Variants in CD58 observed in about 807,000 individuals in gnomAD.
CD58 encodes the protein lymphocyte function-associated antigen 3.
In CD58, 14 loss-of-function variants were observed where a neutral mutation model predicts 27.6. The ratio of observed to expected loss-of-function variants is 0.51; its 90% CI spans 0.34 to 0.79. CD58 has a LOEUF of 0.79. Among genes scored for constraint, CD58 ranks in the 30% least tolerant of loss-of-function variants. The pLI is 0.02. For missense variants in CD58, 268 were observed against 301.7 expected (o/e 0.89, Z 0.83); for synonymous variants, 117 against 103.8 (o/e 1.13, Z -0.77).
chr1:116,530,407 G>C (rs181624621), intron 3 of CD58, among the ~76,000 whole-genome samples: 1 of 151,954 alleles, frequency 6.6e-6, no homozygotes, highest in Non-Finnish European at 1.5e-5. Context: ...GGGTTTCACC[G>C]TGTTAGCCAG....
intron 1 of CD58, among the ~76,000 whole-genome samples, chr1:116,564,767 C>T (rs371663277): frequency 1.3e-4 from 20 of 152,160 alleles, no homozygotes; most frequent in Admixed American, 2.6e-4. Flanking sequence ...TACAATTCAA[C>T]GTAAGATTTG....
At position 116,531,018 on chromosome 1, in the gene CD58, A is replaced by G. The variant is rs905700221; in HGVS notation, c.628+4947T>C. On this transcript the variant is annotated intron_variant, in intron 3 of 5. Transcript: ENST00000369489. The surrounding 1 kb of genome is among the most constrained non-coding windows in gnomAD (Gnocchi z 4.5). ...TCTGTTGTATATATGTGAACTATCA[A>G]TTTGGAAGAAAATGTAAAAGAAGGA... Among the ~76,000 whole-genome samples the G allele has an allele frequency of 2.6e-5, 4 of 152,220 alleles. No individual in the cohort carries two copies. The highest frequency in any genetic ancestry group is 9.6e-5 in the African/African-American group (4 of 41,452).
Position 116,521,931 on chromosome 1 carries a change from T to C in CD58, c.681A>G (p.Thr227=), listed in dbSNP as rs1322347445. Reference sequence around the variant, plus strand: ...CATTCATATACAGCACAATACATGTTGTAATTACTGCTAATGGTATGGGTA... The same window carrying C: ...CATTCATATACAGCACAATACATGTCGTAATTACTGCTAATGGTATGGGTA... ...ALIPIPLAVI[T]TCIVLYMNGI... The change falls in exon 4 of 6, where the codon ACA becomes ACG. Residue 227 remains threonine (T), a synonymous_variant. Coordinates refer to ENST00000369489, the MANE Select transcript of CD58 (RefSeq NM_001779.3). The surrounding 1 kb of genome is among the most constrained non-coding windows in gnomAD (Gnocchi z 5.6). The C allele has an allele frequency of 1.9e-6, 3 of 1,572,972 alleles. No individual in the cohort carries two copies. The highest frequency in any genetic ancestry group is 2.6e-6 in the Non-Finnish European group (3 of 1,145,012).
At chr1:116,545,441 G>A (rs1326374582) in intron 1 of CD58, among the ~76,000 whole-genome samples, 1 of 152,166 alleles carries the variant, frequency 6.6e-6, no homozygotes, top group Non-Finnish European at 1.5e-5. Flanking sequence ...ACAGACCAGA[G>A]CAGGGTGTTT....
Position 116,519,588 on chromosome 1 carries a change from A to T in CD58, c.707-321T>A, listed in dbSNP as rs1657202696. ...GACCAGTGCTGTCCAATAGAAATAT[A>T]ATGCAAGCCACATAAGTAATTTAAA... On this transcript the variant is annotated intron_variant, in intron 4 of 5. Coordinates refer to ENST00000369489, the MANE Select transcript of CD58 (RefSeq NM_001779.3). The surrounding 1 kb of genome is among the most constrained non-coding windows in gnomAD (Gnocchi z 4.7). Among the ~76,000 whole-genome samples the T allele has an allele frequency of 6.6e-6, 1 of 152,224 alleles. No individual in the cohort carries two copies. Among genetic ancestry groups the T allele is most frequent in the Non-Finnish European group, 1.5e-5 (1 of 68,040 alleles).
rs1452335722 is a variant in CD58 at position 116,518,837 on chromosome 1, G to A, written c.743+394C>T. 7 of 1,029,894 alleles carry A rather than the reference G, an allele frequency of 6.8e-6. No individual in the cohort carries two copies. The East Asian group carries it at 3.6e-4, about 52-fold the overall frequency. The allele number at this position is 1,029,894 out of a possible 1,614,324, so 63.8% of individuals were successfully genotyped here. A position where few individuals can be genotyped will look rare whatever the true frequency, so the allele number is the denominator to read the frequency against. On this transcript the variant is annotated intron_variant, in intron 5 of 5. Coordinates refer to ENST00000369489, the MANE Select transcript of CD58 (RefSeq NM_001779.3). The stretch of plus-strand genomic sequence containing the variant: ...TCCAACTTTTTCTGGGATGGGAGGT[G>A]GAGGGAGTGTATTGTAGTGGTTAAC...
rs12135348 is a variant in CD58 at position 116,550,041 on chromosome 1, A to G, written c.71-5437T>C. ...ATACTTTATTGCTGAAAAAAAAAAC[A>G]TGCTAACAATCATTTGAGCCTTCAG... On this transcript the variant is annotated intron_variant, in intron 1 of 5. Coordinates refer to ENST00000369489, the MANE Select transcript of CD58 (RefSeq NM_001779.3). The surrounding 1 kb of genome is among the most constrained non-coding windows in gnomAD (Gnocchi z 4.2). 1.6e-4 allele frequency among the ~76,000 whole-genome samples: 25 copies of G among 152,294 alleles called. No homozygotes were observed. Among genetic ancestry groups the G allele is most frequent in the Non-Finnish European group, 3.7e-4 (25 of 68,022 alleles).
At chr1:116,545,017 G>A (rs773189750) in intron 1 of CD58, among the ~76,000 whole-genome samples, 4 of 152,228 alleles carry the variant, frequency 2.6e-5, no homozygotes, top group Admixed American at 6.5e-5. Context: ...CAGTTAGGCC[G>A]CAGGGCTGGG....
intron 4 of CD58, among the ~76,000 whole-genome samples, chr1:116,520,466 A>G: frequency 6.6e-6 from 1 of 151,512 alleles, no homozygotes; most frequent in African/African-American, 2.4e-5. Flanking sequence ...TCTGGGGCTA[A>G]CAGTACTGAC....
intron 2 of CD58, among the ~76,000 whole-genome samples, chr1:116,539,460 T>C (rs1571071796): frequency 6.6e-6 from 1 of 152,004 alleles, no homozygotes; most frequent in Admixed American, 6.6e-5. Context: ...ATCAGGTCAC[T>C]GTAAAGGTCA....
At chr1:116,569,321 TGA>T (rs940311661) in intron 1 of CD58, among the ~76,000 whole-genome samples, 1 of 152,232 alleles carries the variant, frequency 6.6e-6, no homozygotes, top group Non-Finnish European at 1.5e-5. Flanking sequence ...CAATTCCTCC[TGA>T]CTGCAGCCTT....
intron 2 of CD58, among the ~76,000 whole-genome samples, chr1:116,542,987 G>A (rs539358369): frequency 1.3e-5 from 2 of 152,354 alleles, no homozygotes; most frequent in African/African-American, 4.8e-5. Flanking sequence ...GAGTGGGTAA[G>A]TGAACAGGCT....
intron 2 of CD58, 83 bp downstream of exon 2, chr1:116,544,228 C>A: frequency 1.1e-6 from 1 of 905,574 alleles, no homozygotes; most frequent in Non-Finnish European, 1.7e-6. Flanking sequence ...TCTCATAGAC[C>A]ATTAATTTGT....
intron 1 of CD58, among the ~76,000 whole-genome samples, chr1:116,547,920 T>C (rs920583419): frequency 1.3e-5 from 2 of 152,212 alleles, no homozygotes; most frequent in Non-Finnish European, 2.9e-5. Context: ...CCACCAGCAG[T>C]GTACAGGTGT....
rs1658368506 is a variant in CD58 at position 116,550,984 on chromosome 1, T to G, written c.71-6380A>C. On this transcript the variant is annotated intron_variant, in intron 1 of 5. Coordinates refer to ENST00000369489, the MANE Select transcript of CD58 (RefSeq NM_001779.3). This position sits in a 1 kb window ranked among gnomAD's most constrained non-coding sequence, Gnocchi z 4.2. ...TCTTTTTTTTCTAAGCAGTAAGTATTAACAGTGGGCTTACAATATTCAGTA... is the reference window on the plus strand; with the variant it reads ...TCTTTTTTTTCTAAGCAGTAAGTATGAACAGTGGGCTTACAATATTCAGTA... Among the ~76,000 whole-genome samples, 1 of 152,182 alleles carries G rather than the reference T, an allele frequency of 6.6e-6. No individual in the cohort carries two copies. The highest frequency in any genetic ancestry group is 2.4e-5 in the African/African-American group (1 of 41,446).
At chr1:116,539,538 A>G (rs1201284797) in intron 2 of CD58, among the ~76,000 whole-genome samples, 2 of 152,190 alleles carry the variant, frequency 1.3e-5, no homozygotes, top group African/African-American at 4.8e-5. Context: ...GAAAAGAAAA[A>G]AAACAGAATA....
At chr1:116,567,085 A>T (rs551932640) in intron 1 of CD58, among the ~76,000 whole-genome samples, 2 of 151,106 alleles carry the variant, frequency 1.3e-5, no homozygotes, top group East Asian at 3.9e-4. Context: ...GGCTGCAGTG[A>T]GCCATAATTG....
chr1:116,556,934 CA>C (rs34912391), intron 1 of CD58, among the ~76,000 whole-genome samples: 2 of 151,828 alleles, frequency 1.3e-5, no homozygotes, highest in Admixed American at 1.3e-4. Context: ...CCCAATTTTT[CA>C]AAAAAAGCCA....
rs1657488334 is a variant in CD58, at chr1:116,528,283, T to C, written c.629-6300A>G. On this transcript the variant is annotated intron_variant, in intron 3 of 5. Coordinates refer to ENST00000369489, the MANE Select transcript of CD58 (RefSeq NM_001779.3). The surrounding 1 kb of genome is among the most constrained non-coding windows in gnomAD (Gnocchi z 4.4). ...TATTTCCTATGTTGCATTTCTTTCC[T>C]TCTTCTCCTTTTTCCTATTTCCGCA... Among the ~76,000 whole-genome samples the C allele has an allele frequency of 6.6e-6, 1 of 152,242 alleles. No homozygotes were observed. Among genetic ancestry groups the C allele is most frequent in the African/African-American group, 2.4e-5 (1 of 41,464 alleles).
Sources: gnomAD v4.1 joint callset for allele counts (sites outside exome capture counted in the v4.1 genomes callset) on GRCh38, gnomAD v4.1.1 for gene constraint, Gnocchi (gnomAD v3.1) non-coding constraint, MANE v1.5 for transcripts, NCBI Gene and HGNC (gene_info 2026-07-23, HGNC 2026-07-21) for gene names.